ARL15: variants seen among roughly 807,000 people sequenced by gnomAD.
ARL15 encodes the protein ADP-ribosylation factor-like protein 15.
Under a neutral mutation model 25.2 loss-of-function variants are expected in ARL15, and 19 were observed. The ratio of observed to expected loss-of-function variants is 0.75; its 90% CI spans 0.53 to 1.10. The LOEUF (loss-of-function observed/expected upper bound fraction) is 1.10, where lower values mean the gene tolerates loss of function less well. ARL15 is among the 50% of genes least tolerant of loss of function. ARL15 has a pLI of 0.00. For synonymous variants in ARL15, 94 were observed against 86.8 expected (o/e 1.08, Z -0.46); for missense variants, 220 against 246.0 (o/e 0.89, Z 0.71).
chr5:54,286,142 T>A (rs758513357), intron 1 of ARL15: 72 of 152,058 alleles, frequency 4.7e-4, no homozygotes, highest in Non-Finnish European at 2.8e-4. Context: ...AATTACAAAA[T>A]AAAATTAGGA....
At chr5:53,950,574 T>C (rs778033456) in intron 4 of ARL15, among the ~76,000 whole-genome samples, 5 of 152,192 alleles carry the variant, frequency 3.3e-5, no homozygotes, top group Admixed American at 6.5e-5. Flanking sequence ...AGATTTCAAC[T>C]CATGCTCTAT....
Position 54,150,585 on chromosome 5 carries a change from G to A in ARL15, c.253+3995C>T, listed in dbSNP as rs182636737. 2.1e-3 allele frequency among the ~76,000 whole-genome samples: 319 copies of A among 152,226 alleles called. 1 individual carries two copies. The highest frequency in any genetic ancestry group is 7.4e-3 in the African/African-American group (308 of 41,542). On this transcript the variant is annotated intron_variant, in intron 3 of 4. Transcript: ENST00000504924. ...GGAGGCTGAGGGCAGATCATTTGAG[G>A]TCAGGAGTTCGAGACCAGCCTGGCC...
chr5:54,193,383 G>A (rs1478442435), intron 1 of ARL15, among the ~76,000 whole-genome samples: 4 of 152,074 alleles, frequency 2.6e-5, no homozygotes, highest in Admixed American at 6.6e-5. Flanking sequence ...GCAGTGAACC[G>A]GTACTGGTCC....
rs565918814 is a variant in ARL15 at position 53,914,920 on chromosome 5, C to T, written c.463-28207G>A. 1.8e-4 allele frequency among the ~76,000 whole-genome samples: 27 copies of T among 152,322 alleles called. No individual in the cohort carries two copies. In the South Asian group the frequency reaches 5.2e-3, roughly 29 times the overall value. ...CCACCTCTCTGGTTCAAGCAATTCTCCTGCCTCAGCCTCCCAAGTAGCTGG... is the reference window on the plus strand; with the variant it reads ...CCACCTCTCTGGTTCAAGCAATTCTTCTGCCTCAGCCTCCCAAGTAGCTGG... On this transcript the variant is annotated intron_variant, in intron 4 of 4. Coordinates refer to ENST00000504924, the MANE Select transcript of ARL15 (RefSeq NM_019087.3).
At chr5:53,921,008 A>C (rs949974098) in intron 4 of ARL15, among the ~76,000 whole-genome samples, 1 of 152,184 alleles carries the variant, frequency 6.6e-6, no homozygotes, top group South Asian at 2.1e-4. Flanking sequence ...GATAGAGGAC[A>C]TCAGGGTCCT....
At chr5:54,223,706 T>TA (rs1275722454) in intron 1 of ARL15, among the ~76,000 whole-genome samples, 1 of 152,234 alleles carries the variant, frequency 6.6e-6, no homozygotes, top group African/African-American at 2.4e-5. Context: ...AAGAACTTAC[T>TA]ATGTATCAAT....
At chr5:53,951,340 A>C (rs1172539342) in intron 4 of ARL15, among the ~76,000 whole-genome samples, 1 of 152,198 alleles carries the variant, frequency 6.6e-6, no homozygotes. Flanking sequence ...TTGTTTTCTA[A>C]CCCATCATAG....
At chr5:54,223,736 T>A (rs1756440629) in intron 1 of ARL15, among the ~76,000 whole-genome samples, 1 of 152,152 alleles carries the variant, frequency 6.6e-6, no homozygotes, top group African/African-American at 2.4e-5. Context: ...TAAAAATACT[T>A]GCAACATGGT....
chr5:54,195,440 A>T (rs1385793326), intron 1 of ARL15, among the ~76,000 whole-genome samples: 1 of 152,196 alleles, frequency 6.6e-6, no homozygotes, highest in Admixed American at 6.5e-5. Context: ...TTCACAAACT[A>T]GAGAAGGAAA....
At chr5:54,149,387 C>T (rs1300879234) in intron 3 of ARL15, among the ~76,000 whole-genome samples, 2 of 151,374 alleles carry the variant, frequency 1.3e-5, no homozygotes, top group Non-Finnish European at 2.9e-5. Flanking sequence ...AGAGGTATGA[C>T]CACAAAGAGA....
At chr5:54,267,059 C>A (rs924211501) in intron 1 of ARL15, among the ~76,000 whole-genome samples, 5 of 152,136 alleles carry the variant, frequency 3.3e-5, no homozygotes, top group Admixed American at 2.0e-4. Context: ...GCTACAGAAT[C>A]ACTCCCTGGG....
At chr5:53,920,223 G>C (rs953332802) in intron 4 of ARL15, among the ~76,000 whole-genome samples, 3 of 152,070 alleles carry the variant, frequency 2.0e-5, no homozygotes, top group Non-Finnish European at 4.4e-5. Context: ...ATTTTTGGTA[G>C]AGTAGCCCAA....
At chr5:53,892,222 C>T (rs1449881703) in intron 4 of ARL15, among the ~76,000 whole-genome samples, 2 of 152,186 alleles carry the variant, frequency 1.3e-5, no homozygotes, top group Admixed American at 1.3e-4. Context: ...TTAAAATAAA[C>T]TTTAGAAATA....
At chr5:53,890,795 T>C (rs1249948890) in intron 4 of ARL15, among the ~76,000 whole-genome samples, 1 of 152,206 alleles carries the variant, frequency 6.6e-6, no homozygotes, top group Non-Finnish European at 1.5e-5. Flanking sequence ...AAAGTCCCAA[T>C]ATAACAGAGA....
chr5:54,249,340 AGAGAAGGAAG>A (rs1757177993), intron 1 of ARL15, among the ~76,000 whole-genome samples: 1 of 152,216 alleles, frequency 6.6e-6, no homozygotes, highest in Middle Eastern at 3.2e-3. Flanking sequence ...CCATCAGTAA[AGAGAAGGAAG>A]AGTCAAATGT....
At chr5:54,217,602 C>A (rs889085052) in intron 1 of ARL15, among the ~76,000 whole-genome samples, 1 of 152,022 alleles carries the variant, frequency 6.6e-6, no homozygotes, top group Non-Finnish European at 1.5e-5. Context: ...TAGCAGAGTT[C>A]AAAAGTATTC....
At chr5:54,190,435 C>A (rs1005677585) in intron 1 of ARL15, among the ~76,000 whole-genome samples, 1 of 151,970 alleles carries the variant, frequency 6.6e-6, no homozygotes, top group Non-Finnish European at 1.5e-5. Flanking sequence ...TTAGGATGGC[C>A]ACTGTCTTAG....
chr5:54,257,526 T>C (rs1043864801), intron 1 of ARL15, among the ~76,000 whole-genome samples: 10 of 152,212 alleles, frequency 6.6e-5, no homozygotes, highest in Non-Finnish European at 1.3e-4. Flanking sequence ...GTCGTGCTTG[T>C]AGGCTCTGGA....
chr5:54,305,585 C>G (rs1561302719), intron 1 of ARL15, among the ~76,000 whole-genome samples: 2 of 152,194 alleles, frequency 1.3e-5, no homozygotes, highest in African/African-American at 2.4e-5. Context: ...TATCATAGAA[C>G]TAACTAACAT....
Sources: gnomAD v4.1 joint callset for allele counts (sites outside exome capture counted in the v4.1 genomes callset) on GRCh38, gnomAD v4.1.1 for gene constraint, MANE v1.5 for transcripts, NCBI Gene and HGNC (gene_info 2026-07-23, HGNC 2026-07-21) for gene names.